Variants in ANTXR1 observed in about 807,000 individuals in gnomAD.
ANTXR1 encodes the protein ANTXR cell adhesion molecule 1, also known as anthrax toxin receptor 1.
Under a neutral mutation model 78.1 loss-of-function variants are expected in ANTXR1, and 19 were observed. The observed-to-expected ratio is 0.24, with a 90% confidence interval of 0.17 to 0.36. The LOEUF is 0.36. ANTXR1 is among the 10% of genes least tolerant of loss of function. ANTXR1 has a pLI of 1.00. For missense variants in ANTXR1, 518 were observed against 718.6 expected (o/e 0.72, Z 3.19); for synonymous variants, 273 against 260.5 (o/e 1.05, Z -0.46).
intron 3 of ANTXR1, among the ~76,000 whole-genome samples, chr2:69,046,012 A>G (rs1386780087): frequency 1.3e-5 from 2 of 152,152 alleles, no homozygotes; most frequent in African/African-American, 2.4e-5. Flanking sequence ...CTTGCCTTCA[A>G]TACTGGCCAA....
rs967231147 is a variant in ANTXR1, at chr2:69,040,228, T to A, written c.224+113T>A. ...ACTTTGGGGATGTTTTTTGACTAAG[T>A]TGGGCTCTCAGATCTCGGACCAGAG... On this transcript the variant is annotated intron_variant, in intron 2 of 17. Coordinates refer to ENST00000303714, the MANE Select transcript of ANTXR1 (RefSeq NM_032208.3). 3 of 920,082 alleles carry A rather than the reference T, an allele frequency of 3.3e-6. No individual in the cohort carries two copies. The South Asian group carries it at 4.2e-5, about 13-fold the overall frequency. The allele number at this position is 920,082 out of a possible 1,614,324, so 57.0% of individuals were successfully genotyped here.
intron 17 of ANTXR1, among the ~76,000 whole-genome samples, chr2:69,207,009 C>A (rs556700719): frequency 2.0e-5 from 3 of 152,196 alleles, no homozygotes; most frequent in Admixed American, 6.5e-5. Flanking sequence ...TATGAAAATG[C>A]CAATTTTATC....
At chr2:69,241,314 G>C (rs184022650) in intron 17 of ANTXR1, among the ~76,000 whole-genome samples, 1 of 152,288 alleles carries the variant, frequency 6.6e-6, no homozygotes, top group East Asian at 1.9e-4. Context: ...ACGATGTTGT[G>C]TAAACTGATC....
In ANTXR1 at chr2:69,213,261, C is replaced by T. The variant is rs555365236; in HGVS notation, c.1434+19846C>T. Among the ~76,000 whole-genome samples the T allele has an allele frequency of 2.0e-5, 3 of 152,282 alleles. No homozygotes were observed. The East Asian group carries it at 5.8e-4, about 29-fold the overall frequency. ...GAGCAGATTGAGCTGTGACTAGAACCTCAAATCTATGGCCTAGTGCACTCA... is the reference window on the plus strand; with the variant it reads ...GAGCAGATTGAGCTGTGACTAGAACTTCAAATCTATGGCCTAGTGCACTCA... On this transcript the variant is annotated intron_variant, in intron 17 of 17. Coordinates refer to ENST00000303714, the MANE Select transcript of ANTXR1 (RefSeq NM_032208.3).
intron 17 of ANTXR1, among the ~76,000 whole-genome samples, chr2:69,199,060 T>G (rs73934794): frequency 0.046 from 7,051 of 152,260 alleles, 423 homozygotes; most frequent in African/African-American, 0.13. Flanking sequence ...CAGAGACTAA[T>G]GCTCCAGGTA....
chr2:69,077,106 T>C, intron 7 of ANTXR1: 1 of 436,910 alleles, frequency 2.3e-6, no homozygotes, highest in Non-Finnish European at 4.2e-6. Context: ...CCCAAATTTA[T>C]AAACATATCA....
At chr2:69,017,701 A>G (rs1265455229) in intron 1 of ANTXR1, among the ~76,000 whole-genome samples, 2 of 152,180 alleles carry the variant, frequency 1.3e-5, no homozygotes, top group African/African-American at 4.8e-5. Flanking sequence ...ATGTTCACTT[A>G]AACATGCTTT....
intron 13 of ANTXR1, among the ~76,000 whole-genome samples, chr2:69,159,907 G>A (rs10173677): frequency 0.51 from 77,106 of 152,110 alleles, 20,603 homozygotes; most frequent in East Asian, 0.9. Flanking sequence ...TATACCTTAA[G>A]TGGAAATAAA....
rs746029582 is a variant in ANTXR1 at position 69,124,649 on chromosome 2, T to C, written c.951+6T>C. ...TCATCACCACCACACACTGTGTAAG[T>C]CATAACCTTTCCCTTTACTAAAGAT... On this transcript the variant is annotated splice_donor_region_variant and intron_variant, in intron 12 of 17. Coordinates refer to ENST00000303714, the MANE Select transcript of ANTXR1 (RefSeq NM_032208.3). 6.2e-7 allele frequency: 1 copy of C among 1,613,698 alleles called. No homozygotes were observed. The highest frequency in any genetic ancestry group is 1.7e-5 in the Admixed American group (1 of 60,028).
At chr2:69,022,448 T>C (rs2103995824) in intron 1 of ANTXR1, among the ~76,000 whole-genome samples, 1 of 152,310 alleles carries the variant, frequency 6.6e-6, no homozygotes, top group East Asian at 1.9e-4. Flanking sequence ...AACTCCTGAC[T>C]AAAAGAAGGC....
intron 14 of ANTXR1, chr2:69,172,585 T>C: frequency 7.9e-7 from 1 of 1,262,194 alleles, no homozygotes; most frequent in South Asian, 2.6e-5. Context: ...TATGAAGACC[T>C]TCAGTATTAT....
chr2:69,215,747 G>A (rs1675159373), intron 17 of ANTXR1, among the ~76,000 whole-genome samples: 1 of 152,162 alleles, frequency 6.6e-6, no homozygotes, highest in Admixed American at 6.5e-5. Context: ...AAAAATTAAT[G>A]AACCTGGGCA....
intron 1 of ANTXR1, among the ~76,000 whole-genome samples, chr2:69,016,191 G>A (rs1334051331): frequency 6.6e-6 from 1 of 152,174 alleles, no homozygotes; most frequent in Non-Finnish European, 1.5e-5. Flanking sequence ...AGCCATATGT[G>A]ACTCGAGCAC....
intron 1 of ANTXR1, among the ~76,000 whole-genome samples, chr2:69,027,272 C>T (rs1223903712): frequency 6.6e-6 from 1 of 152,170 alleles, no homozygotes; most frequent in African/African-American, 2.4e-5. Flanking sequence ...GCTGCTGAGT[C>T]CTCCCGCCAG....
chr2:69,141,190 G>A lies in ANTXR1; in HGVS notation c.952-10979G>A, dbSNP rs574090242. Among the ~76,000 whole-genome samples the A allele has an allele frequency of 2.6e-5, 4 of 152,224 alleles. No individual in the cohort carries two copies. In the South Asian group the frequency reaches 8.3e-4, roughly 32 times the overall value. On this transcript the variant is annotated intron_variant, in intron 12 of 17. Transcript: ENST00000303714. ...TCAAGAAATCAACTTCATTTACTTTGGCCAAGCATGGGCACATCACCAGGA... is the reference window on the plus strand; with the variant it reads ...TCAAGAAATCAACTTCATTTACTTTAGCCAAGCATGGGCACATCACCAGGA...
intron 12 of ANTXR1, chr2:69,145,785 T>A: frequency 1.0e-6 from 1 of 1,000,536 alleles, no homozygotes; most frequent in Non-Finnish European, 1.2e-6. Context: ...CAGTGTTTGA[T>A]ACCGTATCAT....
In ANTXR1 at chr2:69,077,479, C is replaced by T. The variant is rs1670769975; in HGVS notation, c.633C>T (p.Ile211=). 1 of 1,614,014 alleles carries T rather than the reference C, an allele frequency of 6.2e-7. No individual in the cohort carries two copies. The highest frequency in any genetic ancestry group is 8.5e-7 in the Non-Finnish European group (1 of 1,180,018). The change falls in exon 8 of 18, where the codon ATC becomes ATT. Residue 211 remains isoleucine (I), a synonymous_variant. Coordinates refer to ENST00000303714, the MANE Select transcript of ANTXR1 (RefSeq NM_032208.3). ...ACGGCTTTCAGGCTCTGCAAGGCAT[C>T]ATCCACTCAGTAAGTAGAGCTCTTC... ...VNDGFQALQG[I]IHSILKKSCI... is the part of the protein sequence containing the mutation.
At chr2:69,211,768 T>C (rs1385705097) in intron 17 of ANTXR1, among the ~76,000 whole-genome samples, 1 of 152,216 alleles carries the variant, frequency 6.6e-6, no homozygotes, top group African/African-American at 2.4e-5. Flanking sequence ...CGGGACTGAC[T>C]AAGAAGGGCT....
In ANTXR1 at chr2:69,111,269, A is replaced by C. The variant is rs867381229; in HGVS notation, c.802+8329A>C. On this transcript the variant is annotated intron_variant, in intron 10 of 17. Coordinates refer to ENST00000303714, the MANE Select transcript of ANTXR1 (RefSeq NM_032208.3). ...TTTTTCCTCCTTTAGTATTCAGTGT[A>C]CTGTGCCAAGAAAAGATCCACTTTC... 4.6e-5 allele frequency among the ~76,000 whole-genome samples: 7 copies of C among 152,318 alleles called. No individual in the cohort carries two copies. In the Middle Eastern group the frequency reaches 0.02, roughly 444 times the overall value.
Sources: gnomAD v4.1 joint callset for allele counts (sites outside exome capture counted in the v4.1 genomes callset) on GRCh38, gnomAD v4.1.1 for gene constraint, MANE v1.5 for transcripts, NCBI Gene and HGNC (gene_info 2026-07-23, HGNC 2026-07-21) for gene names.